The following DAB1 variants were observed in gnomAD, a reference collection of about 807,000 sequenced individuals.
DAB1 encodes the protein DAB adaptor protein 1.
A neutral mutation model predicts 64.6 loss-of-function variants in DAB1; 15 were observed. The ratio of observed to expected loss-of-function variants is 0.23; its 90% CI spans 0.16 to 0.36. DAB1 has a LOEUF of 0.36. Among genes scored for constraint, DAB1 ranks in the 10% least tolerant of loss-of-function variants. DAB1 has a pLI of 1.00. For synonymous variants in DAB1, 235 were observed against 251.9 expected (o/e 0.93, Z 0.64); for missense variants, 596 against 706.7 (o/e 0.84, Z 1.78).
intron 7 of DAB1, among the ~76,000 whole-genome samples, chr1:57,444,132 G>A (rs561840588): frequency 6.6e-6 from 1 of 152,112 alleles, no homozygotes; most frequent in South Asian, 2.1e-4. Flanking sequence ...CTGTTTGCTT[G>A]GAATAGTCTC....
intron 4 of DAB1, among the ~76,000 whole-genome samples, chr1:58,266,905 A>T (rs1661180297): frequency 6.6e-6 from 1 of 152,216 alleles, no homozygotes; most frequent in South Asian, 2.1e-4. Flanking sequence ...TTGGCTTTAG[A>T]TGGAAGATGT....
In DAB1 at chr1:58,087,659, T is replaced by C. The variant is rs897656961; in HGVS notation, n.387+62852A>G. On this transcript the variant is annotated intron_variant and non_coding_transcript_variant, in intron 5 of 20. Coordinates refer to the DAB1 transcript ENST00000485760. ...GATCTGAGAGTAGTATTTCTATCCA[T>C]GGCAGAATAGGAAGTTTGCTCTCTT... Among the ~76,000 whole-genome samples, 10 of 152,280 alleles carry C rather than the reference T, an allele frequency of 6.6e-5. No homozygotes were observed. The East Asian group carries it at 1.9e-3, about 29-fold the overall frequency.
intron 4 of DAB1, among the ~76,000 whole-genome samples, chr1:57,130,889 G>T (rs1393781960): frequency 6.6e-6 from 1 of 152,130 alleles, no homozygotes; most frequent in Non-Finnish European, 1.5e-5. Flanking sequence ...GCTAAATAGG[G>T]TTAGCTTTTT....
chr1:58,391,917 T>G (rs180684108), intron 3 of DAB1, among the ~76,000 whole-genome samples: 2 of 152,308 alleles, frequency 1.3e-5, no homozygotes, highest in East Asian at 3.9e-4. Context: ...ACTGGGTAAG[T>G]AAGCACCCCA....
At chr1:58,470,063 CAAAG>C (rs1436135206) in intron 3 of DAB1, among the ~76,000 whole-genome samples, 3 of 151,778 alleles carry the variant, frequency 2.0e-5, no homozygotes, top group Non-Finnish European at 4.4e-5. Context: ...TCCCATTTGA[CAAAG>C]AGGGAATTTG....
intron 3 of DAB1, among the ~76,000 whole-genome samples, chr1:58,421,300 G>A (rs1373600527): frequency 6.6e-6 from 1 of 152,200 alleles, no homozygotes. Flanking sequence ...TAATTACAAT[G>A]TGATGCCTAA....
intron 4 of DAB1, among the ~76,000 whole-genome samples, chr1:58,193,488 A>G (rs1657500345): frequency 6.6e-6 from 1 of 152,260 alleles, no homozygotes; most frequent in Non-Finnish European, 1.5e-5. Context: ...GTGCAACACT[A>G]CACTTTATCT....
intron 3 of DAB1, among the ~76,000 whole-genome samples, chr1:58,448,101 G>A (rs1485187955): frequency 6.6e-6 from 1 of 152,072 alleles, no homozygotes; most frequent in Non-Finnish European, 1.5e-5. Context: ...TTCTTTCCCT[G>A]AGGCTCCTTT....
intron 5 of DAB1, among the ~76,000 whole-genome samples, chr1:57,933,775 G>A (rs1235856112): frequency 6.6e-6 from 1 of 152,112 alleles, no homozygotes; most frequent in Non-Finnish European, 1.5e-5. Flanking sequence ...GGTAGATACA[G>A]TCCCAGTTTT....
chr1:57,097,747 C>G (rs939643504), intron 4 of DAB1, among the ~76,000 whole-genome samples: 11 of 144,860 alleles, frequency 7.6e-5, no homozygotes, highest in Non-Finnish European at 1.5e-5. Context: ...AACTTTATTT[C>G]TTTTTTATTT....
chr1:57,562,680 C>T (rs577815777), intron 7 of DAB1, among the ~76,000 whole-genome samples: 5 of 152,198 alleles, frequency 3.3e-5, no homozygotes, highest in African/African-American at 9.7e-5. Flanking sequence ...ACCATCACCC[C>T]TAGTGATCCA....
intron 12 of DAB1, among the ~76,000 whole-genome samples, chr1:57,012,340 T>C (rs1459818006): frequency 6.6e-6 from 1 of 152,232 alleles, no homozygotes; most frequent in Non-Finnish European, 1.5e-5. Flanking sequence ...TCCCATTCAT[T>C]ATACACCTTA....
chr1:57,155,047 G>A (rs899582358), intron 2 of DAB1, among the ~76,000 whole-genome samples: 8 of 152,132 alleles, frequency 5.3e-5, no homozygotes, highest in South Asian at 2.1e-4. Flanking sequence ...TTTGTACATG[G>A]AAATTTTGCT....
At chr1:57,751,234 A>G (rs1648535552) in intron 6 of DAB1, among the ~76,000 whole-genome samples, 1 of 152,148 alleles carries the variant, frequency 6.6e-6, no homozygotes, top group Non-Finnish European at 1.5e-5. Flanking sequence ...TTGAGAATCT[A>G]AACTAGGAAC....
chr1:58,468,930 G>A (rs1315890855), intron 3 of DAB1: 6 of 243,896 alleles, frequency 2.5e-5, no homozygotes, highest in Non-Finnish European at 4.0e-5. Context: ...CTCCATGGCC[G>A]CTACACTGTA....
rs966550608 is a variant in DAB1 at position 58,479,391 on chromosome 1, A to G, written n.257+26669T>C. ...AGGAAATTCCTTACAAGTAATGTAT[A>G]ATAATCCCTGAGAAACATAAACAGC... On this transcript the variant is annotated intron_variant and non_coding_transcript_variant, in intron 3 of 20. Transcript: ENST00000485760. Among the ~76,000 whole-genome samples, 27 of 152,324 alleles carry G rather than the reference A, an allele frequency of 1.8e-4. 1 individual carries two copies. The highest frequency in any genetic ancestry group is 5.1e-4 in the African/African-American group (21 of 41,580).
At chr1:57,203,622 A>G (rs1569876649) in intron 2 of DAB1, among the ~76,000 whole-genome samples, 1 of 152,178 alleles carries the variant, frequency 6.6e-6, no homozygotes, top group South Asian at 2.1e-4. Flanking sequence ...GGTTCTTGTA[A>G]CATCCCTGCT....
At chr1:57,651,584 T>C (rs1370783159) in intron 6 of DAB1, among the ~76,000 whole-genome samples, 1 of 152,166 alleles carries the variant, frequency 6.6e-6, no homozygotes, top group East Asian at 1.9e-4. Context: ...AACAATTTAT[T>C]TGACCTCTCT....
chr1:58,409,319 T>A (rs551263859), intron 3 of DAB1, among the ~76,000 whole-genome samples: 6 of 152,330 alleles, frequency 3.9e-5, no homozygotes, highest in Non-Finnish European at 4.4e-5. Context: ...GGTGAAGTGA[T>A]ATGCACAAAG....
Sources: gnomAD v4.1 joint callset for allele counts (sites outside exome capture counted in the v4.1 genomes callset) on GRCh38, gnomAD v4.1.1 for gene constraint, MANE v1.5 for transcripts, NCBI Gene and HGNC (gene_info 2026-07-23, HGNC 2026-07-21) for gene names.